The following KIF3C variants were observed in gnomAD, a reference collection of about 807,000 sequenced individuals.
The protein encoded by KIF3C is kinesin family member 3C.
KIF3C carries 12 observed loss-of-function variants against 67.7 expected under a neutral mutation model. That is an observed-to-expected ratio of 0.18 (90% CI 0.11 to 0.29). KIF3C has a LOEUF of 0.29. Ranked by LOEUF, KIF3C falls within the 10% of genes least tolerant of loss-of-function variation. KIF3C has a pLI of 1.00. For missense variants in KIF3C, 789 were observed against 1,059.6 expected (o/e 0.74, Z 3.55); for synonymous variants, 393 against 426.2 (o/e 0.92, Z 0.96).
intron 1 of KIF3C, among the ~76,000 whole-genome samples, chr2:25,974,061 CTTGT>C (rs1664348480): frequency 6.6e-6 from 1 of 152,102 alleles, no homozygotes; most frequent in South Asian, 2.1e-4. Context: ...TGTTCGTTCT[CTTGT>C]TTAATTCTCT....
chr2:25,973,822 T>C (rs1348230952), intron 1 of KIF3C, among the ~76,000 whole-genome samples: 1 of 151,988 alleles, frequency 6.6e-6, no homozygotes, highest in Non-Finnish European at 1.5e-5. Context: ...AAGGAAGGGG[T>C]AGAACAGCTG....
At chr2:25,946,649 C>G (rs1663445831) in intron 5 of KIF3C, among the ~76,000 whole-genome samples, 1 of 152,266 alleles carries the variant, frequency 6.6e-6, no homozygotes, top group African/African-American at 2.4e-5. Context: ...GATCGCGCCA[C>G]TGCACTCCAG....
chr2:25,929,923 CGTA>C, intron 6 of KIF3C, 29 bp downstream of exon 6: 3 of 1,497,878 alleles, frequency 2.0e-6, no homozygotes, highest in Non-Finnish European at 2.8e-6. Context: ...GCCTCCCTCC[CGTA>C]GGCTCTTTCT....
At chr2:25,934,266 T>A in intron 5 of KIF3C, 5 of 439,170 alleles carry the variant, frequency 1.1e-5, no homozygotes, top group South Asian at 8.5e-5. Context: ...TCAGGGTTTC[T>A]TTTTGGAGTG....
chr2:25,975,244 T>C (rs1454432279), intron 1 of KIF3C, among the ~76,000 whole-genome samples: 5 of 150,762 alleles, frequency 3.3e-5, no homozygotes. Context: ...CACTGCAGCC[T>C]CAACCTCCTG....
At position 25,928,874 on chromosome 2, in the gene KIF3C, C is replaced by T. The variant is rs923223555; in HGVS notation, c.*104G>A. 4 of 887,688 alleles carry T rather than the reference C, an allele frequency of 4.5e-6. No homozygotes were observed. The highest frequency in any genetic ancestry group is 5.4e-6 in the Non-Finnish European group (3 of 560,088). 55.0% of individuals were successfully genotyped at this position (887,688 alleles called of 1,614,324 possible). A position where few individuals can be genotyped will look rare whatever the true frequency, so the allele number is the denominator to read the frequency against. ...TCTCACCCCTGCACACACGCACACGCACATGCACGCACACGCACACGCACC... is the reference window on the plus strand; with the variant it reads ...TCTCACCCCTGCACACACGCACACGTACATGCACGCACACGCACACGCACC... On this transcript the variant is annotated 3_prime_UTR_variant, in exon 8 of 8. Transcript: ENST00000264712.
chr2:25,929,653 T>C (rs1244420827), intron 6 of KIF3C, among the ~76,000 whole-genome samples, 176 bp from the exon 7 acceptor site: 3 of 151,836 alleles, frequency 2.0e-5, no homozygotes, highest in Non-Finnish European at 2.9e-5. Context: ...TCTCACTCTG[T>C]TGCCCAGGCT....
At chr2:25,954,632 G>A (rs987637530) in intron 3 of KIF3C, among the ~76,000 whole-genome samples, 37 of 152,336 alleles carry the variant, frequency 2.4e-4, no homozygotes, top group Non-Finnish European at 4.3e-4. Context: ...GCTGCTATCA[G>A]CATCGTGGAA....
At chr2:25,952,924 G>A (rs185380442) in intron 4 of KIF3C, among the ~76,000 whole-genome samples, 29 of 152,136 alleles carry the variant, frequency 1.9e-4, no homozygotes. Flanking sequence ...TGAGGGGATG[G>A]ATACCCCATT....
chr2:25,947,378 A>G (rs571827006), intron 5 of KIF3C, among the ~76,000 whole-genome samples: 26 of 152,130 alleles, frequency 1.7e-4, no homozygotes, highest in Middle Eastern at 3.4e-3. Context: ...TCAGGAGATC[A>G]AGACCATCCT....
intron 4 of KIF3C, among the ~76,000 whole-genome samples, chr2:25,952,539 G>A (rs1663645248): frequency 8.3e-6 from 1 of 120,938 alleles, no homozygotes; most frequent in South Asian, 2.7e-4. Context: ...GTGTGTGTGT[G>A]TGTGTGTGTG....
chr2:25,972,241 A>G (rs904716523), intron 1 of KIF3C, among the ~76,000 whole-genome samples: 1 of 152,154 alleles, frequency 6.6e-6, no homozygotes, highest in African/African-American at 2.4e-5. Flanking sequence ...GACTCAGGGC[A>G]GTATGATAAT....
rs1036147159 is a variant in KIF3C at position 25,928,139 on chromosome 2, G to A, written c.*839C>T. On this transcript the variant is annotated 3_prime_UTR_variant, in exon 8 of 8. Transcript: ENST00000264712. ...GGCAGGAGCAGCCTCTTGAAAATGGGGAGTTGCCTTGAGAGCCTGTCGACC... is the reference window on the plus strand; with the variant it reads ...GGCAGGAGCAGCCTCTTGAAAATGGAGAGTTGCCTTGAGAGCCTGTCGACC... The A allele has an allele frequency of 7.9e-5, 12 of 152,370 alleles. No individual in the cohort carries two copies. The highest frequency in any genetic ancestry group is 2.9e-4 in the African/African-American group (12 of 41,440). 9.4% of individuals were successfully genotyped at this position (152,370 alleles called of 1,614,324 possible).
Position 25,953,672 on chromosome 2 carries a change from GTTTTTT to G in KIF3C, c.1889+589_1889+594del, listed in dbSNP as rs70950142. Among the ~76,000 whole-genome samples, 8 of 99,600 alleles carry G rather than the reference GTTTTTT, an allele frequency of 8.0e-5. No homozygotes were observed. In the East Asian group the frequency reaches 1.9e-3, roughly 24 times the overall value. 65.3% of individuals were successfully genotyped at this position (99,600 alleles called of 152,430 possible). On this transcript the variant is annotated intron_variant, in intron 4 of 7. Transcript: ENST00000264712. Reference sequence around the variant, plus strand: ...ACTGCGCCCGGCCTTTTTTGTTTTTGTTTTTTTTTTTTTTTTGAGACGTTGTCTCGC... The same window carrying G: ...ACTGCGCCCGGCCTTTTTTGTTTTTGTTTTTTTTTTGAGACGTTGTCTCGC...
In KIF3C at chr2:25,934,193, T is replaced by G. The variant is rs79483053; in HGVS notation, c.2007-4130A>C. 1,341 of 470,808 alleles carry G rather than the reference T, an allele frequency of 2.8e-3. 4 individuals carry two copies. Among genetic ancestry groups the G allele is most frequent in the Non-Finnish European group, 4.5e-3 (1,032 of 226,920 alleles). The allele number at this position is 470,808 out of a possible 1,614,324, so 29.2% of individuals were successfully genotyped here. ...AAAGCCATAGAAACAGAAAGTAGAT[T>G]GGCAGTTGTCTAGGTCTGGGGAAAG... On this transcript the variant is annotated intron_variant, in intron 5 of 7. Coordinates refer to ENST00000264712, the MANE Select transcript of KIF3C (RefSeq NM_002254.8).
chr2:25,951,690 A>ATC (rs1663617074), intron 5 of KIF3C, 99 bp downstream of exon 5: 1 of 736,750 alleles, frequency 1.4e-6, no homozygotes, highest in Non-Finnish European at 2.3e-6. Context: ...TCCACAAAAC[A>ATC]TCTGTCTCCC....
intron 3 of KIF3C, among the ~76,000 whole-genome samples, 164 bp from the exon 4 acceptor site, chr2:25,954,549 T>C (rs1437293391): frequency 1.3e-5 from 2 of 152,276 alleles, no homozygotes; most frequent in East Asian, 3.9e-4. Flanking sequence ...CCACCACGAA[T>C]TGGGCTGGGC....
At chr2:25,953,480 C>A (rs1663697110) in intron 4 of KIF3C, among the ~76,000 whole-genome samples, 1 of 150,890 alleles carries the variant, frequency 6.6e-6, no homozygotes, top group East Asian at 2.0e-4. Context: ...CCTGCCTCAG[C>A]CTCCCAAGTA....
chr2:25,942,236 T>C (rs1316610115), intron 5 of KIF3C, among the ~76,000 whole-genome samples: 1 of 150,688 alleles, frequency 6.6e-6, no homozygotes, highest in Non-Finnish European at 1.5e-5. Flanking sequence ...CACATGCCTA[T>C]AATCCCAGCT....
Sources: gnomAD v4.1 joint callset for allele counts (sites outside exome capture counted in the v4.1 genomes callset) on GRCh38, gnomAD v4.1.1 for gene constraint, MANE v1.5 for transcripts, NCBI Gene and HGNC (gene_info 2026-07-23, HGNC 2026-07-21) for gene names.